Variants in TXNDC16 observed in about 807,000 individuals in gnomAD.
TXNDC16 encodes the protein thioredoxin domain-containing protein 16.
A neutral mutation model predicts 85.6 loss-of-function variants in TXNDC16; 74 were observed. The observed-to-expected ratio is 0.86, with a 90% CI of 0.72 to 1.05. The LOEUF is 1.05. Among genes scored for constraint, TXNDC16 ranks in the 50% least tolerant of loss-of-function variants. The probability of loss-of-function intolerance (pLI) is 0.00; values close to 1 mark genes in which losing one functional copy is unlikely to be tolerated. For synonymous variants in TXNDC16, 335 were observed against 326.5 expected, an observed-to-expected ratio of 1.03 and a Z score of -0.28; for missense variants, 959 against 947.0, an observed-to-expected ratio of 1.01 and a Z score of -0.17.
At position 52,440,692 on chromosome 14, in the gene TXNDC16, A is replaced by ATT. The variant is rs754336613; in HGVS notation, c.1874_1875insAA (p.Tyr625Ter). The ATT allele has an allele frequency of 6.2e-7, 1 of 1,607,290 alleles. No individual in the cohort carries two copies. The highest frequency in any genetic ancestry group is 1.3e-5 in the African/African-American group (1 of 74,668). The part of the protein sequence containing the change: ...PEITVENLPS[Y>*]FRLQKPLLIL... ...TCAATAATGGTTTCTGAAGTCTGAA[A>ATT]TAACTGGGAAGATTTTCCACAGTGA... The change falls in exon 19 of 21, where the codon TAT (tyrosine) becomes TAAAT (stop). Residue 625 changes from tyrosine to a stop codon, truncating the protein, a stop_gained and frameshift_variant. Transcript: ENST00000281741. LOFTEE classifies it high-confidence loss of function.
At chr14:52,509,775 G>A (rs544397999) in intron 9 of TXNDC16, among the ~76,000 whole-genome samples, 1 of 151,852 alleles carries the variant, frequency 6.6e-6, no homozygotes, top group Admixed American at 6.6e-5. Context: ...TCAGGAGATC[G>A]AGACCATCCT....
intron 20 of TXNDC16, among the ~76,000 whole-genome samples, chr14:52,434,360 T>A (rs1383773618): frequency 6.6e-6 from 1 of 152,244 alleles, no homozygotes; most frequent in Non-Finnish European, 1.5e-5. Flanking sequence ...AAGATCTTAA[T>A]GTTTTCAACT....
In TXNDC16 at chr14:52,482,113, A is replaced by G. The variant is rs1449015280; in HGVS notation, c.1312+117T>C. ...CTGGTTCATTAACTTAACCCTGGAGACACAAACATAGTAACTGAAATTTTA... is the reference window on the plus strand; with the variant it reads ...CTGGTTCATTAACTTAACCCTGGAGGCACAAACATAGTAACTGAAATTTTA... On this transcript the variant is annotated intron_variant, in intron 14 of 20. Coordinates refer to ENST00000281741, the MANE Select transcript of TXNDC16 (RefSeq NM_020784.3). The G allele has an allele frequency of 4.5e-6, 4 of 882,206 alleles. No individual in the cohort carries two copies. In the African/African-American group the frequency reaches 5.1e-5, roughly 11 times the overall value. The allele number at this position is 882,206 out of a possible 1,614,324, so 54.6% of individuals were successfully genotyped here. A position where few individuals can be genotyped will look rare whatever the true frequency, so the allele number is the denominator to read the frequency against.
At chr14:52,537,231 C>G (rs1206811918) in intron 5 of TXNDC16, among the ~76,000 whole-genome samples, 3 of 152,082 alleles carry the variant, frequency 2.0e-5, no homozygotes, top group Non-Finnish European at 4.4e-5. Flanking sequence ...TAGATCAAAC[C>G]CAAGTGCAGA....
chr14:52,530,301 AT>A (rs1314869427), intron 6 of TXNDC16, among the ~76,000 whole-genome samples: 1 of 54,130 alleles, frequency 1.8e-5, no homozygotes, highest in Non-Finnish European at 3.0e-5. Flanking sequence ...TATATATAAT[AT>A]TAATATATAA....
intron 20 of TXNDC16, 135 bp downstream of exon 20, chr14:52,439,069 G>C (rs1594678066): frequency 2.1e-6 from 2 of 935,152 alleles, no homozygotes; most frequent in East Asian, 5.3e-5. Flanking sequence ...TGGCCTCCCA[G>C]TCAGAGACTG....
chr14:52,535,053 G>A (rs529312168), intron 6 of TXNDC16, among the ~76,000 whole-genome samples: 5 of 152,248 alleles, frequency 3.3e-5, no homozygotes, highest in African/African-American at 1.2e-4. Flanking sequence ...ATGTGGATAT[G>A]CCACTCCAGG....
intron 5 of TXNDC16, among the ~76,000 whole-genome samples, chr14:52,537,007 C>A (rs2037717341): frequency 6.6e-6 from 1 of 151,440 alleles, no homozygotes; most frequent in Non-Finnish European, 1.5e-5. Context: ...CTGTACCTGG[C>A]AAAAAGGCTA....
At chr14:52,543,200 C>T (rs2037870166) in intron 3 of TXNDC16, among the ~76,000 whole-genome samples, 198 bp downstream of exon 3, 1 of 152,092 alleles carries the variant, frequency 6.6e-6, no homozygotes, top group Non-Finnish European at 1.5e-5. Context: ...AAGAAAAACA[C>T]AGAAAAGCTA....
chr14:52,500,371 A>G (rs2036628062), intron 9 of TXNDC16, among the ~76,000 whole-genome samples: 2 of 152,232 alleles, frequency 1.3e-5, no homozygotes, highest in Admixed American at 6.5e-5. Context: ...CAAATATGGC[A>G]TAACTCAGTG....
chr14:52,541,291 G>A (rs1400883181), intron 4 of TXNDC16, among the ~76,000 whole-genome samples: 1 of 152,010 alleles, frequency 6.6e-6, no homozygotes. Context: ...GCAACAGCTT[G>A]GGCATGAACC....
At position 52,482,913 on chromosome 14, in the gene TXNDC16, T is replaced by C; in HGVS notation, c.1161A>G (p.Lys387=). The change falls in exon 13 of 21, where the codon AAA becomes AAG. Residue 387 remains lysine, a synonymous_variant. Transcript: ENST00000281741. ...GTTCCACTGTAAGTTCCAAAGGTAATTTTCTCTTCCTATCTCTGAAAACAG... is the reference window on the plus strand; with the variant it reads ...GTTCCACTGTAAGTTCCAAAGGTAACTTTCTCTTCCTATCTCTGAAAACAG... ...AETVFRDRKR[K]LPLELTVELT... 6.2e-7 allele frequency: 1 copy of C among 1,611,892 alleles called. No homozygotes were observed.
At position 52,521,329 on chromosome 14, in the gene TXNDC16, G is replaced by A. The variant is rs140344198; in HGVS notation, c.393-2036C>T. Among the ~76,000 whole-genome samples the A allele has an allele frequency of 4.7e-3, 702 of 150,166 alleles. 10 individuals carry two copies. Among genetic ancestry groups the A allele is most frequent in the African/African-American group, 0.016 (671 of 40,758 alleles). ...GTAGAGATGGAGTTTCACCATATTGGCCAGGCTGGTCTCAAACTCCTGACC... is the reference window on the plus strand; with the variant it reads ...GTAGAGATGGAGTTTCACCATATTGACCAGGCTGGTCTCAAACTCCTGACC... On this transcript the variant is annotated intron_variant, in intron 6 of 20. Transcript: ENST00000281741.
intron 1 of TXNDC16, among the ~76,000 whole-genome samples, chr14:52,547,983 G>T (rs775501639): frequency 6.6e-6 from 1 of 152,208 alleles, no homozygotes; most frequent in Non-Finnish European, 1.5e-5. Flanking sequence ...AATGAAATGT[G>T]CAAGGTGACA....
chr14:52,524,745 T>C (rs1244556690), intron 6 of TXNDC16, among the ~76,000 whole-genome samples: 1 of 152,068 alleles, frequency 6.6e-6, no homozygotes, highest in Admixed American at 6.5e-5. Context: ...TCCTCTTTCC[T>C]TAGCCTCCCA....
chr14:52,432,121 C>A lies in TXNDC16; in HGVS notation c.*183G>T. 2.1e-6 allele frequency: 1 copy of A among 469,656 alleles called. No individual in the cohort carries two copies. Among genetic ancestry groups the A allele is most frequent in the Non-Finnish European group, 3.5e-6 (1 of 283,170 alleles). The allele number at this position is 469,656 out of a possible 1,614,324, so 29.1% of individuals were successfully genotyped here. A position where few individuals can be genotyped will look rare whatever the true frequency, so the allele number is the denominator to read the frequency against. ...AAAAGTAATATCAAAATTATTTTGC[C>A]CTGCTCACTTTTACTTTGTTTAATG... On this transcript the variant is annotated 3_prime_UTR_variant, in exon 21 of 21. Coordinates refer to ENST00000281741, the MANE Select transcript of TXNDC16 (RefSeq NM_020784.3).
Position 52,448,571 on chromosome 14 carries a change from A to T in TXNDC16, c.1842+6753T>A, listed in dbSNP as rs540447526. On this transcript the variant is annotated intron_variant, in intron 18 of 20. Transcript: ENST00000281741. ...CTTCAATCAGGAAGAAAAGGACACT[A>T]ATGAGCAATAAAAATTCATCTAAAA... Among the ~76,000 whole-genome samples, 6 of 152,268 alleles carry T rather than the reference A, an allele frequency of 3.9e-5. No individual in the cohort carries two copies. The East Asian group carries it at 1.2e-3, about 29-fold the overall frequency.
chr14:52,542,543 C>A, intron 3 of TXNDC16, 90 bp from the exon 4 acceptor site: 1 of 830,462 alleles, frequency 1.2e-6, no homozygotes, highest in Non-Finnish European at 2.0e-6. Context: ...TTCATTTGTC[C>A]AACTAGCATG....
At chr14:52,532,246 C>T (rs902240033) in intron 6 of TXNDC16, among the ~76,000 whole-genome samples, 4 of 152,058 alleles carry the variant, frequency 2.6e-5, no homozygotes, top group Admixed American at 2.0e-4. Flanking sequence ...TGCACCTGTA[C>T]TCCCAGTTAT....
Sources: gnomAD v4.1 joint callset for allele counts (sites outside exome capture counted in the v4.1 genomes callset) on GRCh38, gnomAD v4.1.1 for gene constraint, MANE v1.5 for transcripts, NCBI Gene and HGNC (gene_info 2026-07-23, HGNC 2026-07-21) for gene names.